Variants in FAM178B observed in about 807,000 individuals in gnomAD.
The protein encoded by FAM178B is protein FAM178B.
Under a neutral mutation model 91.7 loss-of-function variants are expected in FAM178B, and 82 were observed. That is an observed-to-expected ratio of 0.89 (90% CI 0.75 to 1.07). The LOEUF (loss-of-function observed/expected upper bound fraction) is 1.07. Among genes scored for constraint, FAM178B ranks in the 50% least tolerant of loss-of-function variants. FAM178B has a pLI of 0.00. For synonymous variants in FAM178B, 368 were observed against 359.4 expected (o/e 1.02, Z -0.27); for missense variants, 769 against 846.7 (o/e 0.91, Z 1.14).
At chr2:96,985,039 T>G (rs2082406032) in intron 1 of FAM178B, among the ~76,000 whole-genome samples, 1 of 152,084 alleles carries the variant, frequency 6.6e-6, no homozygotes, top group Non-Finnish European at 1.5e-5. Flanking sequence ...CCAGCCCAAC[T>G]TCAGAGCTGC....
At chr2:96,961,843 C>T (rs1049812208) in intron 5 of FAM178B, among the ~76,000 whole-genome samples, 5 of 152,174 alleles carry the variant, frequency 3.3e-5, no homozygotes, top group Non-Finnish European at 7.3e-5. Context: ...AATGAAATGG[C>T]ACAACAAATG....
chr2:96,879,288 G>A (rs2080321153), intron 14 of FAM178B, among the ~76,000 whole-genome samples: 1 of 152,196 alleles, frequency 6.6e-6, no homozygotes, highest in Admixed American at 6.5e-5. Flanking sequence ...CTAGGATCAG[G>A]AGGTGGCAGA....
intron 14 of FAM178B, among the ~76,000 whole-genome samples, chr2:96,892,123 T>A (rs2080696939): frequency 6.6e-6 from 1 of 152,174 alleles, no homozygotes. Context: ...TGAGGCCTAA[T>A]GAGGAGTCAT....
intron 4 of FAM178B, among the ~76,000 whole-genome samples, chr2:96,967,909 GTCTTTT>G (rs1291860058): frequency 5.0e-5 from 2 of 40,254 alleles, no homozygotes; most frequent in Admixed American, 2.1e-4. Context: ...ACCCTGTTTG[GTCTTTT>G]TTTTTTTTTT....
chr2:96,957,340 C>T (rs964832951), intron 6 of FAM178B, among the ~76,000 whole-genome samples: 3 of 152,178 alleles, frequency 2.0e-5, no homozygotes, highest in East Asian at 1.9e-4. Context: ...AAGTGGGCCT[C>T]GCCACTGCCC....
At chr2:96,935,221 A>C (rs1358943188) in intron 8 of FAM178B, among the ~76,000 whole-genome samples, 2 of 152,234 alleles carry the variant, frequency 1.3e-5, no homozygotes, top group Non-Finnish European at 2.9e-5. Context: ...GGCCTTCAAA[A>C]AGAATTTTAT....
chr2:96,934,922 C>CT (rs1365325111), intron 8 of FAM178B, among the ~76,000 whole-genome samples: 4 of 152,222 alleles, frequency 2.6e-5, no homozygotes, highest in African/African-American at 9.7e-5. Context: ...CCAACACCAT[C>CT]TCTATAGGCC....
Position 96,893,921 on chromosome 2 carries a change from C to T in FAM178B, c.1776+5G>A, listed in dbSNP as rs776648654. 1.2e-6 allele frequency: 2 copies of T among 1,611,004 alleles called. No individual in the cohort carries two copies. The highest frequency in any genetic ancestry group is 1.7e-6 in the Non-Finnish European group (2 of 1,178,680). On this transcript the variant is annotated splice_donor_5th_base_variant and intron_variant, in intron 14 of 16. Transcript: ENST00000490605. ...GAGGCAGGCGGGTGCTGGGTGCTCA[C>T]TCACCTTGTGGTCTAGCTCGGCACT...
intron 12 of FAM178B, among the ~76,000 whole-genome samples, chr2:96,915,891 G>A (rs895638128): frequency 6.6e-6 from 1 of 151,970 alleles, no homozygotes; most frequent in Non-Finnish European, 1.5e-5. Context: ...CACACCCAAA[G>A]ATGGCCTTTC....
At chr2:96,937,583 C>T (rs944321045) in intron 8 of FAM178B, among the ~76,000 whole-genome samples, 2 of 152,174 alleles carry the variant, frequency 1.3e-5, no homozygotes, top group African/African-American at 4.8e-5. Context: ...AATGCTAATG[C>T]CCAGGCTGTG....
intron 14 of FAM178B, among the ~76,000 whole-genome samples, chr2:96,890,408 G>A (rs1025017327): frequency 2.6e-5 from 4 of 152,208 alleles, no homozygotes; most frequent in African/African-American, 7.2e-5. Context: ...AGGCTGCAGT[G>A]AGCCTTGATG....
rs140514018 is a variant in FAM178B, at chr2:96,906,114, G to A, written c.1563-3407C>T. Among the ~76,000 whole-genome samples the A allele has an allele frequency of 1.3e-4, 20 of 149,736 alleles. 1 individual carries two copies. The East Asian group carries it at 3.4e-3, about 25-fold the overall frequency. The stretch of plus-strand genomic sequence containing the variant: ...TTGAACTCCCTACCTCAGGTGATCC[G>A]CCTGAGTGTTCTGCCCACCTCAGCC... On this transcript the variant is annotated intron_variant, in intron 12 of 16. Transcript: ENST00000490605.
chr2:96,929,150 C>T, intron 9 of FAM178B, 56 bp downstream of exon 9: 2 of 1,239,310 alleles, frequency 1.6e-6, no homozygotes, highest in Non-Finnish European at 2.3e-6. Flanking sequence ...CAGAGAGAGA[C>T]CCTGTCTCTT....
intron 1 of FAM178B, among the ~76,000 whole-genome samples, chr2:96,978,942 T>C (rs1559108951): frequency 6.8e-6 from 1 of 147,696 alleles, no homozygotes; most frequent in Non-Finnish European, 1.5e-5. Flanking sequence ...TTCTTTTTTA[T>C]GGCTGCATAG....
intron 12 of FAM178B, among the ~76,000 whole-genome samples, chr2:96,913,035 G>A (rs2081185197): frequency 6.6e-6 from 1 of 152,238 alleles, no homozygotes; most frequent in African/African-American, 2.4e-5. Context: ...TAAGGTAGGA[G>A]ACGCAGGAAC....
At chr2:96,898,377 G>A (rs1165321809) in intron 13 of FAM178B, among the ~76,000 whole-genome samples, 1 of 152,164 alleles carries the variant, frequency 6.6e-6, no homozygotes, top group Admixed American at 6.5e-5. Context: ...GCTCTAGGCG[G>A]GGTACAGTGG....
chr2:96,881,206 G>A (rs1030166134), intron 14 of FAM178B, among the ~76,000 whole-genome samples: 9 of 150,972 alleles, frequency 6.0e-5, no homozygotes, highest in Non-Finnish European at 8.8e-5. Flanking sequence ...GGAGGTTGAG[G>A]CTGTAGTGAG....
rs757675684 is a variant in FAM178B, at chr2:96,970,765, C to A, written c.577G>T (p.Gly193Cys). 2.0e-5 allele frequency: 31 copies of A among 1,550,810 alleles called. No individual in the cohort carries two copies. The highest frequency in any genetic ancestry group is 1.8e-4 in the African/African-American group (13 of 72,922). ...QAAAPEFSWG[G>C]SGSYFNNLDY... is the part of the protein sequence containing the mutation. ...AGGTTGTTGAAGTAGCTTCCTGAGC[C>A]CCCCCAGGAAAACTGGAGAAACAGG... is the stretch of plus-strand genomic sequence containing the variant. The change falls in exon 4 of 17, where the codon GGC becomes TGC. Residue 193 changes from glycine (G) to cysteine (C), a missense_variant. Gly to Cys is a radical substitution (Grantham distance 159). Transcript: ENST00000490605.
intron 1 of FAM178B, among the ~76,000 whole-genome samples, chr2:96,985,936 T>C (rs1008141457): frequency 6.6e-6 from 1 of 152,172 alleles, no homozygotes; most frequent in Non-Finnish European, 1.5e-5. Flanking sequence ...CTTTGCACCC[T>C]GGGGAACATT....
Sources: gnomAD v4.1 joint callset for allele counts (sites outside exome capture counted in the v4.1 genomes callset) on GRCh38, gnomAD v4.1.1 for gene constraint, MANE v1.5 for transcripts, NCBI Gene and HGNC (gene_info 2026-07-23, HGNC 2026-07-21) for gene names.